The following DENND2C variants were observed in gnomAD, a reference collection of about 807,000 sequenced individuals.
DENND2C encodes the protein DENN domain containing 2C.
A neutral mutation model predicts 112.4 loss-of-function variants in DENND2C; 72 were observed. The observed-to-expected ratio is 0.64, with a 90% CI of 0.53 to 0.78. The LOEUF (loss-of-function observed/expected upper bound fraction) is 0.78. Among genes scored for constraint, DENND2C ranks in the 30% least tolerant of loss-of-function variants. The pLI is 0.00. For synonymous variants in DENND2C, 329 were observed against 381.6 expected, an observed-to-expected ratio of 0.86 and a Z score of 1.61; for missense variants, 992 against 1,113.8, an observed-to-expected ratio of 0.89 and a Z score of 1.56.
rs1656320923 is a variant in DENND2C at position 114,625,715 on chromosome 1, A to G, written c.270T>C (p.His90=). The G allele has an allele frequency of 1.2e-6, 2 of 1,614,000 alleles. No individual in the cohort carries two copies. Among genetic ancestry groups the G allele is most frequent in the Non-Finnish European group, 1.7e-6 (2 of 1,179,980 alleles). ...TCTTATTTTCATTCTCACTTTGATC[A>G]TGGCTTTTGGTATTTTCATTTATAT... ...GLDINENTKS[H]DQSENENKKH... Residue 90 remains histidine, a synonymous_variant, in exon 4 of 21, where the codon CAT becomes CAC. Transcript: ENST00000393274.
chr1:114,667,665 T>A (rs1657681230), intron 1 of DENND2C, among the ~76,000 whole-genome samples: 1 of 152,198 alleles, frequency 6.6e-6, no homozygotes, highest in South Asian at 2.1e-4. Flanking sequence ...CTTTCTTTCC[T>A]TCTTTTTGAA....
At chr1:114,626,223 T>C (rs1656337878) in intron 3 of DENND2C, 35 bp from the exon 4 acceptor site, 1 of 413,536 alleles carries the variant, frequency 2.4e-6, no homozygotes, top group Admixed American at 4.0e-5. Flanking sequence ...TTAACACATT[T>C]TATAATTTCC....
At chr1:114,620,225 T>C (rs1382136038) in intron 7 of DENND2C, among the ~76,000 whole-genome samples, 1 of 152,166 alleles carries the variant, frequency 6.6e-6, no homozygotes, top group Non-Finnish European at 1.5e-5. Context: ...CTAAAAAGAT[T>C]CAATCCAAGG....
intron 1 of DENND2C, among the ~76,000 whole-genome samples, chr1:114,663,845 T>C (rs1377949699): frequency 1.3e-5 from 2 of 152,218 alleles, no homozygotes; most frequent in Non-Finnish European, 1.5e-5. Context: ...ATTGGGTAGT[T>C]ATGACAGAGA....
intron 3 of DENND2C, among the ~76,000 whole-genome samples, chr1:114,643,029 T>C (rs531252856): frequency 6.6e-6 from 1 of 152,338 alleles, no homozygotes; most frequent in East Asian, 1.9e-4. Flanking sequence ...CAAATACCTG[T>C]GTATGTCTTT....
chr1:114,615,263 T>C lies in DENND2C; in HGVS notation c.1324+3123A>G, dbSNP rs150823985. Among the ~76,000 whole-genome samples the C allele has an allele frequency of 5.6e-3, 853 of 152,356 alleles. 4 individuals carry two copies. Among genetic ancestry groups the C allele is most frequent in the Non-Finnish European group, 9.0e-3 (614 of 68,034 alleles). ...GGCACGAGTTTTCATTTTCTATGTCTAGTTTTAAATAACACACAAAAATAC... is the reference window on the plus strand; with the variant it reads ...GGCACGAGTTTTCATTTTCTATGTCCAGTTTTAAATAACACACAAAAATAC... On this transcript the variant is annotated intron_variant, in intron 8 of 20. Transcript: ENST00000393274.
At chr1:114,662,453 A>T (rs867549411) in intron 1 of DENND2C, among the ~76,000 whole-genome samples, 1 of 152,336 alleles carries the variant, frequency 6.6e-6, no homozygotes, top group Middle Eastern at 3.4e-3. Context: ...GAAGGAAAAA[A>T]AATAATAATT....
chr1:114,625,770 T>G lies in DENND2C; in HGVS notation c.215A>C (p.Asp72Ala), dbSNP rs1184363863. ...ACCCACATTTTCACGGCTGGTTACA[T>G]CCAAGTTTTTGCTCTTTCTCTCAGC... ...PIAERKSKNL[D>A]VTSRENVGLD... Residue 72 changes from aspartate to alanine, a missense_variant, in exon 4 of 21, where the codon GAT becomes GCT. By Grantham distance (126) the Asp-to-Ala change is moderately radical. Coordinates refer to ENST00000393274, the MANE Select transcript of DENND2C (RefSeq NM_001256404.2). The G allele has an allele frequency of 6.2e-6, 10 of 1,614,054 alleles. No homozygotes were observed. The East Asian group carries it at 2.2e-4, about 36-fold the overall frequency.
At chr1:114,589,406 C>T (rs1228466120) in intron 18 of DENND2C, among the ~76,000 whole-genome samples, 1 of 152,198 alleles carries the variant, frequency 6.6e-6, no homozygotes, top group Non-Finnish European at 1.5e-5. Flanking sequence ...TTTCCAAGGT[C>T]TCTTTCTGAA....
intron 11 of DENND2C, among the ~76,000 whole-genome samples, chr1:114,603,465 A>G (rs1469623814): frequency 6.6e-6 from 1 of 150,754 alleles, no homozygotes; most frequent in East Asian, 2.0e-4. Flanking sequence ...ACTGGGTCTC[A>G]CTGAACAGAA....
intron 7 of DENND2C, among the ~76,000 whole-genome samples, chr1:114,621,546 T>C (rs1570780003): frequency 1.3e-5 from 2 of 152,228 alleles, no homozygotes; most frequent in East Asian, 1.9e-4. Flanking sequence ...TTGGCAATCA[T>C]ATGAATGAGT....
At chr1:114,611,536 A>G (rs1484892959) in intron 8 of DENND2C, among the ~76,000 whole-genome samples, 1 of 152,194 alleles carries the variant, frequency 6.6e-6, no homozygotes, top group Non-Finnish European at 1.5e-5. Context: ...TAAATTTAGA[A>G]TAACAGGAAA....
chr1:114,642,160 C>T (rs543622093), intron 3 of DENND2C, among the ~76,000 whole-genome samples: 2 of 152,130 alleles, frequency 1.3e-5, no homozygotes, highest in East Asian at 1.9e-4. Context: ...CCTGTTGGGC[C>T]GGCTGGTCTC....
intron 4 of DENND2C, among the ~76,000 whole-genome samples, chr1:114,624,526 T>C (rs533741892): frequency 1.3e-5 from 2 of 152,162 alleles, no homozygotes; most frequent in Non-Finnish European, 2.9e-5. Flanking sequence ...TTGGCTGGTC[T>C]TGAACTCCTG....
intron 1 of DENND2C, among the ~76,000 whole-genome samples, chr1:114,663,951 CTTT>C (rs538184910): frequency 7.6e-6 from 1 of 130,994 alleles, no homozygotes; most frequent in Admixed American, 7.8e-5. Context: ...TACTGCTATT[CTTT>C]TTTTTTTTTT....
chr1:114,661,161 A>G (rs1657482321), intron 1 of DENND2C, among the ~76,000 whole-genome samples: 1 of 152,056 alleles, frequency 6.6e-6, no homozygotes, highest in Non-Finnish European at 1.5e-5. Context: ...TTCACTACCT[A>G]AAAGCACAGT....
intron 16 of DENND2C, 87 bp from the exon 17 acceptor site, chr1:114,595,960 T>A: frequency 8.0e-7 from 1 of 1,250,544 alleles, no homozygotes; most frequent in Non-Finnish European, 1.2e-6. Context: ...CAAAATTTAC[T>A]CAAAGTTTCA....
intron 1 of DENND2C, among the ~76,000 whole-genome samples, chr1:114,658,355 T>A (rs909474644): frequency 6.6e-6 from 1 of 151,792 alleles, no homozygotes; most frequent in African/African-American, 2.4e-5. Context: ...CAGGATAACA[T>A]CATGAGAGGA....
intron 3 of DENND2C, among the ~76,000 whole-genome samples, chr1:114,643,787 A>C (rs534854264): frequency 6.6e-6 from 1 of 152,290 alleles, no homozygotes; most frequent in South Asian, 2.1e-4. Context: ...GTCTGTTGAG[A>C]TATTTGTCAT....
Sources: gnomAD v4.1 joint callset for allele counts (sites outside exome capture counted in the v4.1 genomes callset) on GRCh38, gnomAD v4.1.1 for gene constraint, MANE v1.5 for transcripts, NCBI Gene and HGNC (gene_info 2026-07-23, HGNC 2026-07-21) for gene names.